The following MYOG variants were observed in gnomAD, a reference collection of about 807,000 sequenced individuals.
The protein encoded by MYOG is class C basic helix-loop-helix protein 3.
Under a neutral mutation model 17.7 loss-of-function variants are expected in MYOG, and 6 were observed. The observed-to-expected ratio is 0.34, with a 90% CI of 0.19 to 0.67. The LOEUF (loss-of-function observed/expected upper bound fraction) is 0.67. Among genes scored for constraint, MYOG ranks in the 30% least tolerant of loss-of-function variants. MYOG has a pLI of 0.69. For missense variants in MYOG, 272 were observed against 302.0 expected, an observed-to-expected ratio of 0.90 and a Z score of 0.74; for synonymous variants, 125 against 130.2, an observed-to-expected ratio of 0.96 and a Z score of 0.27.
At position 203,086,009 on chromosome 1, in the gene MYOG, G is replaced by T. The variant is rs770929372; in HGVS notation, c.-48C>A. 3.7e-6 allele frequency: 5 copies of T among 1,366,362 alleles called. No individual in the cohort carries two copies. Among genetic ancestry groups the T allele is most frequent in the Non-Finnish European group, 4.0e-6 (4 of 1,000,006 alleles). 84.6% of individuals were successfully genotyped at this position (1,366,362 alleles called of 1,614,324 possible). ...TGCCACCAGCCCCCAAGCTCCAGCAGCCCCTCACGCCAACTGCTGGGTGCC... is the reference window on the plus strand; with the variant it reads ...TGCCACCAGCCCCCAAGCTCCAGCATCCCCTCACGCCAACTGCTGGGTGCC... On this transcript the variant is annotated 5_prime_UTR_variant, in exon 1 of 3. It adds an upstream start codon to the 5' untranslated region. Transcript: ENST00000241651.
In MYOG at chr1:203,083,816, G is replaced by A. The variant is rs1445200037; in HGVS notation, c.*94C>T. On this transcript the variant is annotated 3_prime_UTR_variant, in exon 3 of 3. Transcript: ENST00000241651. The stretch of plus-strand genomic sequence containing the variant: ...CCCCAGAGCTGGCTTCCTAGCATCA[G>A]GGCAGCCTGGCTTAGGAGGCCCCTG... 1.3e-6 allele frequency: 2 copies of A among 1,528,908 alleles called. No individual in the cohort carries two copies. Among genetic ancestry groups the A allele is most frequent in the African/African-American group, 2.7e-5 (2 of 73,038 alleles). The allele number at this position is 1,528,908 out of a possible 1,614,324, so 94.7% of individuals were successfully genotyped here. A position where few individuals can be genotyped will look rare whatever the true frequency, so the allele number is the denominator to read the frequency against.
rs1293748485 is a variant in MYOG at position 203,085,655 on chromosome 1, C to T, written c.307G>A (p.Ala103Thr). ...RLKKVNEAFEALKRSTLLNPN... is the reference protein window; with the variant it reads ...RLKKVNEAFETLKRSTLLNPN... Reference sequence around the variant, plus strand: ...TTGAGCAGGGTGCTTCTCTTCAGGGCCTCGAAGGCCTCATTCACCTTCTTG... The same window carrying T: ...TTGAGCAGGGTGCTTCTCTTCAGGGTCTCGAAGGCCTCATTCACCTTCTTG... Residue 103 changes from alanine (A) to threonine (T), a missense_variant, in exon 1 of 3, where the codon GCC becomes ACC. Ala to Thr is a moderately conservative substitution (Grantham distance 58). Coordinates refer to ENST00000241651, the MANE Select transcript of MYOG (RefSeq NM_002479.6). 3.7e-6 allele frequency: 6 copies of T among 1,614,084 alleles called. No homozygotes were observed. Among genetic ancestry groups the T allele is most frequent in the Non-Finnish European group, 5.1e-6 (6 of 1,180,036 alleles).
At chr1:203,084,229 T>TGTGTGTGTGTGTGTGTGTGTGTGC (rs1653565468) in intron 2 of MYOG, among the ~76,000 whole-genome samples, 198 bp from the exon 3 acceptor site, 1 of 151,308 alleles carries the variant, frequency 6.6e-6, no homozygotes, top group Non-Finnish European at 1.5e-5. Context: ...TGTGTGTGTG[T>TGTGTGTGTGTGTGTGTGTGTGTGC]GTGTATGCGC....
chr1:203,085,810 T>C lies in MYOG; in HGVS notation c.152A>G (p.Glu51Gly), dbSNP rs1012033028. The part of the protein sequence containing the change: ...TLSPEAPGPL[E>G]DKGLGTPEHC... ...CTCGGGGGTCCCCAGCCCCTTGTCCTCAAGGGGCCCTGGGGCCTCGGGGCT... is the reference window on the plus strand; with the variant it reads ...CTCGGGGGTCCCCAGCCCCTTGTCCCCAAGGGGCCCTGGGGCCTCGGGGCT... Residue 51 changes from glutamate to glycine, a missense_variant, in exon 1 of 3, where the codon GAG (glutamate) becomes GGG (glycine). Transcript: ENST00000241651. The C allele has an allele frequency of 1.2e-6, 2 of 1,613,752 alleles. No individual in the cohort carries two copies. The highest frequency in any genetic ancestry group is 2.7e-5 in the African/African-American group (2 of 74,894).
At chr1:203,084,528 G>C (rs1653573616) in intron 2 of MYOG, 119 bp downstream of exon 2, 1 of 892,650 alleles carries the variant, frequency 1.1e-6, no homozygotes, top group Middle Eastern at 2.2e-4. Flanking sequence ...GGAGTCAGCA[G>C]GTCCCTAGAG....
rs1653551349 is a variant in MYOG, at chr1:203,083,729, C to A, written c.*181G>T. On this transcript the variant is annotated 3_prime_UTR_variant, in exon 3 of 3. Coordinates refer to ENST00000241651, the MANE Select transcript of MYOG (RefSeq NM_002479.6). Reference sequence around the variant, plus strand: ...AGGCAGCTGAATGAGGGCGTCCAGTCCCTTGCTGGGGGGTGGGTTAACCTT... The same window carrying A: ...AGGCAGCTGAATGAGGGCGTCCAGTACCTTGCTGGGGGGTGGGTTAACCTT... 2 of 893,082 alleles carry A rather than the reference C, an allele frequency of 2.2e-6. No individual in the cohort carries two copies. 55.3% of individuals were successfully genotyped at this position (893,082 alleles called of 1,614,324 possible).
At chr1:203,085,431 G>C (rs1260324811) in intron 1 of MYOG, 60 bp downstream of exon 1, 1 of 1,468,096 alleles carries the variant, frequency 6.8e-7, no homozygotes, top group African/African-American at 1.4e-5. Flanking sequence ...TCTTGAGGCT[G>C]TCCAGGTGCC....
In MYOG at chr1:203,083,183, C is replaced by CAAAAA. The variant is rs71142588; in HGVS notation, c.*722_*726dup. On this transcript the variant is annotated 3_prime_UTR_variant, in exon 3 of 3. Transcript: ENST00000241651. ...AAAAAAGGAAATCCAAATAAGTTAG[C>CAAAAA]AAAAAAAAAAAAAAAAAAAAAAAAT... 2 of 99,366 alleles carry CAAAAA rather than the reference C, an allele frequency of 2.0e-5. No homozygotes were observed. Among genetic ancestry groups the CAAAAA allele is most frequent in the Admixed American group, 1.1e-4 (1 of 9,284 alleles). The allele number at this position is 99,366 out of a possible 1,614,324, so 6.2% of individuals were successfully genotyped here.
chr1:203,083,559 C>G lies in MYOG; in HGVS notation c.*351G>C, dbSNP rs907864868. On this transcript the variant is annotated 3_prime_UTR_variant, in exon 3 of 3. Coordinates refer to ENST00000241651, the MANE Select transcript of MYOG (RefSeq NM_002479.6). ...GGTCAGGGCACTGCGTCTCTCAAACCGTTTCACTTGGGGGGTGGAATTAGA... is the reference window on the plus strand; with the variant it reads ...GGTCAGGGCACTGCGTCTCTCAAACGGTTTCACTTGGGGGGTGGAATTAGA... The G allele has an allele frequency of 5.8e-6, 3 of 518,052 alleles. No homozygotes were observed. The highest frequency in any genetic ancestry group is 5.0e-4 in the Middle Eastern group (1 of 2,016). 32.1% of individuals were successfully genotyped at this position (518,052 alleles called of 1,614,324 possible).
intron 2 of MYOG, among the ~76,000 whole-genome samples, chr1:203,084,424 G>C (rs1571761349): frequency 6.6e-6 from 1 of 152,244 alleles, no homozygotes. Flanking sequence ...CAACCACCAG[G>C]CATCAGCTGG....
In MYOG at chr1:203,085,809, C is replaced by T. The variant is rs762557266; in HGVS notation, c.153G>A (p.Glu51=). Reference sequence around the variant, plus strand: ...GCTCGGGGGTCCCCAGCCCCTTGTCCTCAAGGGGCCCTGGGGCCTCGGGGC... The same window carrying T: ...GCTCGGGGGTCCCCAGCCCCTTGTCTTCAAGGGGCCCTGGGGCCTCGGGGC... ...TLSPEAPGPL[E]DKGLGTPEHC... is the part of the protein sequence containing the mutation. The change falls in exon 1 of 3, where the codon GAG becomes GAA. Residue 51 remains glutamate (E), a synonymous_variant. Coordinates refer to ENST00000241651, the MANE Select transcript of MYOG (RefSeq NM_002479.6). The T allele has an allele frequency of 1.8e-5, 29 of 1,613,846 alleles. No individual in the cohort carries two copies. In the South Asian group the frequency reaches 2.7e-4, roughly 15 times the overall value.
chr1:203,085,085 C>T (rs1446810030), intron 1 of MYOG, among the ~76,000 whole-genome samples: 2 of 152,184 alleles, frequency 1.3e-5, no homozygotes, highest in Non-Finnish European at 2.9e-5. Context: ...TCCAATGAGA[C>T]TGAGTGGGTT....
Position 203,085,761 on chromosome 1 carries a change from C to G in MYOG, c.201G>C (p.Pro67=). Residue 67 remains proline, a synonymous_variant, in exon 1 of 3, where the codon CCG becomes CCC. Transcript: ENST00000241651. ...TPEHCPGQCL[P]WACKVCKRKS... ...TCCTCTTACACACCTTACACGCCCA[C>G]GGCAGGCACTGGCCTGGACAGTGCT... 3 of 1,614,094 alleles carry G rather than the reference C, an allele frequency of 1.9e-6. No homozygotes were observed. The highest frequency in any genetic ancestry group is 2.5e-6 in the Non-Finnish European group (3 of 1,179,994).
chr1:203,084,195 AGTGTGTGTGTGTGTGTGT>A (rs3835486), intron 2 of MYOG, among the ~76,000 whole-genome samples, 164 bp from the exon 3 acceptor site: 2 of 135,414 alleles, frequency 1.5e-5, no homozygotes, highest in Non-Finnish European at 3.1e-5. Context: ...ATGCTCTGTG[AGTGTGTGTGTGTGTGTGT>A]GTGTGTGTGT....
In MYOG at chr1:203,084,037, A is replaced by AGGGGAGGT. The variant is rs370962923; in HGVS notation, c.554-14_554-7dup. 833 of 1,595,678 alleles carry AGGGGAGGT rather than the reference A, an allele frequency of 5.2e-4. 1 individual carries two copies. The highest frequency in any genetic ancestry group is 6.7e-4 in the Non-Finnish European group (788 of 1,170,776). On this transcript the variant is annotated splice_polypyrimidine_tract_variant and splice_region_variant and intron_variant, in intron 2 of 2. Coordinates refer to ENST00000241651, the MANE Select transcript of MYOG (RefSeq NM_002479.6). The stretch of plus-strand genomic sequence containing the variant: ...GTCAGCCGTGAGCAGATGATCTGTA[A>AGGGGAGGT]GGGGAGGTGGGAAGGTGGTACCTGG...
rs1301908526 is a variant in MYOG at position 203,085,635 on chromosome 1, C to T, written c.327G>A (p.Leu109=). The part of the protein sequence containing the change: ...EAFEALKRST[L]LNPNQRLPKV... ...TGGGCAGCCGCTGGTTGGGGTTGAGCAGGGTGCTTCTCTTCAGGGCCTCGA... is the reference window on the plus strand; with the variant it reads ...TGGGCAGCCGCTGGTTGGGGTTGAGTAGGGTGCTTCTCTTCAGGGCCTCGA... The change falls in exon 1 of 3, where the codon CTG becomes CTA. Residue 109 remains leucine, a synonymous_variant. Coordinates refer to ENST00000241651, the MANE Select transcript of MYOG (RefSeq NM_002479.6). The T allele has an allele frequency of 1.2e-6, 2 of 1,614,126 alleles. No homozygotes were observed. The highest frequency in any genetic ancestry group is 1.7e-6 in the Non-Finnish European group (2 of 1,180,040).
intron 1 of MYOG, among the ~76,000 whole-genome samples, chr1:203,085,227 T>C (rs1653588998): frequency 6.6e-6 from 1 of 152,224 alleles, no homozygotes; most frequent in South Asian, 2.1e-4. Context: ...GTGGCCTTGC[T>C]CCTGATCTTT....
chr1:203,083,447 CCTT>C lies in MYOG; in HGVS notation c.*460_*462del, dbSNP rs1199210439. Reference sequence around the variant, plus strand: ...TGGGAACAGAGGGCTGTTCCTCTCCCCTTCTTCTCTCTCAATTCAGGGCAGGCC... The same window carrying C: ...TGGGAACAGAGGGCTGTTCCTCTCCCCTTCTCTCTCAATTCAGGGCAGGCC... On this transcript the variant is annotated 3_prime_UTR_variant, in exon 3 of 3. Coordinates refer to ENST00000241651, the MANE Select transcript of MYOG (RefSeq NM_002479.6). The C allele has an allele frequency of 1.0e-5, 4 of 390,070 alleles. No individual in the cohort carries two copies. Among genetic ancestry groups the C allele is most frequent in the African/African-American group, 4.1e-5 (2 of 48,894 alleles). 24.2% of individuals were successfully genotyped at this position (390,070 alleles called of 1,614,324 possible).
In MYOG at chr1:203,085,551, G is replaced by A. The variant is rs768796642; in HGVS notation, c.411C>T (p.Ser137=). The A allele has an allele frequency of 6.2e-7, 1 of 1,614,176 alleles. No individual in the cohort carries two copies. Among genetic ancestry groups the A allele is most frequent in the South Asian group, 1.1e-5 (1 of 91,092 alleles). The change falls in exon 1 of 3, where the codon AGC becomes AGT. Residue 137 remains serine, a synonymous_variant. Transcript: ENST00000241651. ...GGTCACGCTCCTCCTGGTTGAGGGA[G>A]CTGAGCAGGGCCTGGAGGCGCTCGA... ...QYIERLQALL[S]SLNQEERDLR... is the part of the protein sequence containing the mutation.
Sources: allele counts gnomAD v4.1 joint callset (sites outside exome capture counted in the v4.1 genomes callset), GRCh38; gene constraint gnomAD v4.1.1; transcripts MANE v1.5; gene names NCBI Gene and HGNC (gene_info 2026-07-23, HGNC 2026-07-21).